MTBP: variants seen among roughly 807,000 people sequenced by gnomAD.
MTBP encodes the protein mdm2-binding protein.
MTBP carries 101 observed loss-of-function variants against 117.0 expected under a neutral mutation model. The ratio of observed to expected loss-of-function variants is 0.86; its 90% CI spans 0.73 to 1.02. MTBP has a LOEUF of 1.02. MTBP is among the 50% of genes least tolerant of loss of function. The probability of loss-of-function intolerance (pLI) is 0.00; values close to 1 mark genes in which losing one functional copy is unlikely to be tolerated. For missense variants in MTBP, 970 were observed against 1,030.9 expected (o/e 0.94, Z 0.81); for synonymous variants, 350 against 351.5 (o/e 1.00, Z 0.05).
At chr8:120,487,644 T>C (rs1344729719) in intron 11 of MTBP, among the ~76,000 whole-genome samples, 1 of 152,244 alleles carries the variant, frequency 6.6e-6, no homozygotes, top group South Asian at 2.1e-4. Flanking sequence ...TACTAGACGC[T>C]GTCTTAACTG....
intron 15 of MTBP, among the ~76,000 whole-genome samples, chr8:120,506,059 T>C (rs1420308782): frequency 6.6e-6 from 1 of 152,194 alleles, no homozygotes; most frequent in African/African-American, 2.4e-5. Context: ...CATTTTGAGA[T>C]AAGACCTATT....
At chr8:120,491,194 T>A (rs572679843) in intron 13 of MTBP, among the ~76,000 whole-genome samples, 27 of 152,274 alleles carry the variant, frequency 1.8e-4, no homozygotes, top group African/African-American at 6.5e-4. Context: ...TTATGTAATT[T>A]CTAAGAAATT....
At chr8:120,476,635 A>G (rs12550056) in intron 11 of MTBP, among the ~76,000 whole-genome samples, 86,890 of 151,784 alleles carry the variant, frequency 0.57, 26,451 homozygotes, top group Non-Finnish European at 0.67. Context: ...CAAATCATGA[A>G]TGAACTCCAA....
At chr8:120,506,627 G>A (rs368673297) in intron 15 of MTBP, 79 bp from the exon 16 acceptor site, 16 of 984,076 alleles carry the variant, frequency 1.6e-5, no homozygotes, top group Non-Finnish European at 2.2e-5. Context: ...TCCCGACTGT[G>A]CTTTTTTTTT....
At chr8:120,493,433 G>GTCAGGT (rs2130588840) in intron 13 of MTBP, among the ~76,000 whole-genome samples, 1 of 151,958 alleles carries the variant, frequency 6.6e-6, no homozygotes, top group Admixed American at 6.6e-5. Flanking sequence ...ATAAATATAG[G>GTCAGGT]TCAGGTTCAG....
At chr8:120,459,752 A>G (rs942751903) in intron 8 of MTBP, among the ~76,000 whole-genome samples, 1 of 152,126 alleles carries the variant, frequency 6.6e-6, no homozygotes, top group African/African-American at 2.4e-5. Context: ...TGATTAACTC[A>G]TTTGTGAAGT....
intron 11 of MTBP, among the ~76,000 whole-genome samples, chr8:120,480,975 C>T (rs567032128): frequency 6.6e-6 from 1 of 152,224 alleles, no homozygotes; most frequent in East Asian, 1.9e-4. Context: ...GAAAAATTCT[C>T]CCAATTTTAT....
intron 11 of MTBP, 50 bp from the exon 12 acceptor site, chr8:120,488,109 G>A (rs918583830): frequency 3.5e-6 from 5 of 1,447,886 alleles, no homozygotes; most frequent in Non-Finnish European, 3.7e-6. Context: ...GTTCTGTTGT[G>A]TTGTGTGCTG....
In MTBP at chr8:120,453,994, TCTCA is replaced by T. The variant is rs573302700; in HGVS notation, c.484+93_484+96del. ...ATAAATTTGTTCTTTATGTTAGTGT[TCTCA>T]CTCTAATCTTTAAATTAAAAAATGC... On this transcript the variant is annotated intron_variant, in intron 5 of 21. Transcript: ENST00000305949. 1.3e-3 allele frequency: 953 copies of T among 713,410 alleles called. 8 individuals carry two copies. The African/African-American group carries it at 0.016, about 12-fold the overall frequency. 44.2% of individuals were successfully genotyped at this position (713,410 alleles called of 1,614,324 possible).
At chr8:120,464,820 A>T (rs77865992) in intron 10 of MTBP, among the ~76,000 whole-genome samples, 2,709 of 152,154 alleles carry the variant, frequency 0.018, 81 homozygotes, top group African/African-American at 0.062. Context: ...ATCTTTTATC[A>T]TTTATCCAAC....
chr8:120,480,596 T>G (rs1814058435), intron 11 of MTBP, among the ~76,000 whole-genome samples: 1 of 152,144 alleles, frequency 6.6e-6, no homozygotes, highest in African/African-American at 2.4e-5. Context: ...AATACATAGA[T>G]CCATGGAACA....
intron 2 of MTBP, 106 bp downstream of exon 2, chr8:120,446,619 A>G (rs1242214939): frequency 2.8e-6 from 2 of 718,052 alleles, no homozygotes; most frequent in Non-Finnish European, 4.9e-6. Context: ...TTGACTGTGT[A>G]CAAGGCACTG....
chr8:120,481,802 G>T (rs1294375731), intron 11 of MTBP, among the ~76,000 whole-genome samples: 3 of 152,112 alleles, frequency 2.0e-5, no homozygotes, highest in African/African-American at 7.2e-5. Flanking sequence ...ATCATTAAAG[G>T]TTTTTGTTTT....
intron 2 of MTBP, among the ~76,000 whole-genome samples, chr8:120,448,908 A>C (rs939816779): frequency 2.0e-5 from 3 of 152,192 alleles, no homozygotes; most frequent in African/African-American, 7.2e-5. Context: ...ATAAGGGTGG[A>C]GAGGTAGGCA....
intron 1 of MTBP, 31 bp downstream of exon 1, chr8:120,445,619 G>A: frequency 6.5e-7 from 1 of 1,546,334 alleles, no homozygotes; most frequent in Non-Finnish European, 8.8e-7. Flanking sequence ...GAGCGGGAAC[G>A]GCTTGTGGAG....
At chr8:120,498,568 G>T (rs1477548897) in intron 14 of MTBP, among the ~76,000 whole-genome samples, 1 of 152,184 alleles carries the variant, frequency 6.6e-6, no homozygotes, top group Non-Finnish European at 1.5e-5. Flanking sequence ...AATTAGGGAT[G>T]ACATAGGTAG....
chr8:120,491,168 T>C (rs1814338237), intron 13 of MTBP, among the ~76,000 whole-genome samples: 1 of 152,182 alleles, frequency 6.6e-6, no homozygotes, highest in Non-Finnish European at 1.5e-5. Context: ...TGTTGCCTAA[T>C]TGAACTTATT....
rs1460610870 is a variant in MTBP at position 120,502,235 on chromosome 8, C to T, written c.1610-257C>T. 2.0e-5 allele frequency among the ~76,000 whole-genome samples: 3 copies of T among 152,100 alleles called. No individual in the cohort carries two copies. The South Asian group carries it at 6.2e-4, about 32-fold the overall frequency. The stretch of plus-strand genomic sequence containing the variant: ...TATTCCATAGGAGTCCTAAATAGTG[C>T]TAATTCAATTTTGTGAATTTTAGCT... On this transcript the variant is annotated intron_variant, in intron 14 of 21. Coordinates refer to ENST00000305949, the MANE Select transcript of MTBP (RefSeq NM_022045.5).
intron 13 of MTBP, among the ~76,000 whole-genome samples, chr8:120,495,459 T>C (rs1814431757): frequency 6.6e-6 from 1 of 152,162 alleles, no homozygotes; most frequent in Non-Finnish European, 1.5e-5. Context: ...TTGAACTGTG[T>C]AGTTGATTGG....
Sources: allele counts gnomAD v4.1 joint callset (sites outside exome capture counted in the v4.1 genomes callset), GRCh38; gene constraint gnomAD v4.1.1; transcripts MANE v1.5; gene names NCBI Gene and HGNC (gene_info 2026-07-23, HGNC 2026-07-21).